Variants in CRYZL1 observed in about 807,000 individuals in gnomAD.
The protein encoded by CRYZL1 is ferry endosomal RAB5 effector complex subunit 4.
CRYZL1 carries 34 observed loss-of-function variants against 50.6 expected under a neutral mutation model. The ratio of observed to expected loss-of-function variants is 0.67; its 90% CI spans 0.51 to 0.89. CRYZL1 has a LOEUF of 0.89. CRYZL1 is among the 40% of genes least tolerant of loss of function. The pLI is 0.00. For synonymous variants in CRYZL1, 125 were observed against 134.3 expected (o/e 0.93, Z 0.48); for missense variants, 354 against 402.3 (o/e 0.88, Z 1.03).
At position 33,632,387 on chromosome 21, in the gene CRYZL1, AT is replaced by A. The variant is rs200590309; in HGVS notation, c.-6-831del. Among the ~76,000 whole-genome samples, 397 of 150,792 alleles carry A rather than the reference AT, an allele frequency of 2.6e-3. 1 individual carries two copies. The highest frequency in any genetic ancestry group is 8.0e-3 in the African/African-American group (330 of 41,140). Reference sequence around the variant, plus strand: ...TTATATTCTGTGAACTTATTTATTTATTTTTTTTTAGATGGAGTCTCGCCCT... The same window carrying A: ...TTATATTCTGTGAACTTATTTATTTATTTTTTTTAGATGGAGTCTCGCCCT... On this transcript the variant is annotated intron_variant, in intron 1 of 12. Coordinates refer to ENST00000381554, the MANE Select transcript of CRYZL1 (RefSeq NM_145858.3).
In CRYZL1 at chr21:33,628,488, C is replaced by T. The variant is rs552651089; in HGVS notation, c.66+2998G>A. On this transcript the variant is annotated intron_variant, in intron 2 of 12. Transcript: ENST00000381554. ...TTATTACTGTTCTCTTCAATTTCTT[C>T]CATCAATATTTATAGTTTTCATCGT... 4.6e-5 allele frequency among the ~76,000 whole-genome samples: 7 copies of T among 152,212 alleles called. No individual in the cohort carries two copies. The South Asian group carries it at 1.4e-3, about 32-fold the overall frequency.
chr21:33,610,716 C>T (rs920650285), intron 6 of CRYZL1, among the ~76,000 whole-genome samples: 2 of 144,144 alleles, frequency 1.4e-5, no homozygotes, highest in African/African-American at 2.5e-5. Flanking sequence ...AGGAATGGGC[C>T]TTGTTTGGTT....
chr21:33,590,930 A>G (rs2086637468), intron 12 of CRYZL1, among the ~76,000 whole-genome samples: 1 of 152,246 alleles, frequency 6.6e-6, no homozygotes, highest in South Asian at 2.1e-4. Flanking sequence ...ACACTTTGAT[A>G]AATATTAAAG....
intron 5 of CRYZL1, among the ~76,000 whole-genome samples, chr21:33,615,459 T>C (rs751158175): frequency 5.3e-5 from 8 of 152,140 alleles, no homozygotes; most frequent in Non-Finnish European, 8.8e-5. Context: ...ATATATATTA[T>C]ATGGCCCTAT....
At chr21:33,631,198 C>G (rs1414634633) in intron 2 of CRYZL1, among the ~76,000 whole-genome samples, 1 of 152,202 alleles carries the variant, frequency 6.6e-6, no homozygotes, top group African/African-American at 2.4e-5. Context: ...GCTAATTACC[C>G]TGATTTGATC....
intron 4 of CRYZL1, among the ~76,000 whole-genome samples, chr21:33,618,373 T>C (rs2086959453): frequency 6.6e-6 from 1 of 151,962 alleles, no homozygotes; most frequent in African/African-American, 2.4e-5. Context: ...AGTCAATTCA[T>C]TTGAGTAGTT....
chr21:33,609,465 ATTAT>A lies in CRYZL1; in HGVS notation c.331+4069_331+4072del, dbSNP rs370927330. Among the ~76,000 whole-genome samples, 30 of 151,810 alleles carry A rather than the reference ATTAT, an allele frequency of 2.0e-4. No individual in the cohort carries two copies. The East Asian group carries it at 5.2e-3, about 27-fold the overall frequency. The stretch of plus-strand genomic sequence containing the variant: ...TAGGCACACACCACCATATCTAGTT[ATTAT>A]TTATTTATTTTTTTTATTTCTTGTA... On this transcript the variant is annotated intron_variant, in intron 6 of 12. Coordinates refer to ENST00000381554, the MANE Select transcript of CRYZL1 (RefSeq NM_145858.3).
intron 11 of CRYZL1, chr21:33,595,477 C>T (rs1260130039): frequency 1.9e-5 from 25 of 1,342,430 alleles, no homozygotes; most frequent in Non-Finnish European, 2.4e-5. Flanking sequence ...TGCTCCGCCA[C>T]TTGCTGCGTC....
chr21:33,634,619 C>T (rs1355794489), intron 1 of CRYZL1, among the ~76,000 whole-genome samples: 3 of 151,678 alleles, frequency 2.0e-5, no homozygotes, highest in Non-Finnish European at 4.4e-5. Flanking sequence ...AAAAAAACAA[C>T]TCTGTTCCTA....
At chr21:33,606,640 A>G (rs2086817683) in intron 6 of CRYZL1, among the ~76,000 whole-genome samples, 1 of 151,892 alleles carries the variant, frequency 6.6e-6, no homozygotes, top group Non-Finnish European at 1.5e-5. Flanking sequence ...AAAAAATTGC[A>G]TGGTTAGATG....
chr21:33,592,936 C>T (rs1477115954), intron 11 of CRYZL1, among the ~76,000 whole-genome samples: 1 of 151,662 alleles, frequency 6.6e-6, no homozygotes, highest in Non-Finnish European at 1.5e-5. Flanking sequence ...CCTATAGTCT[C>T]AGCTACTTGG....
At chr21:33,597,889 C>T (rs1367879421) in intron 9 of CRYZL1, among the ~76,000 whole-genome samples, 2 of 152,184 alleles carry the variant, frequency 1.3e-5, no homozygotes, top group Non-Finnish European at 2.9e-5. Flanking sequence ...GCTGGGATTA[C>T]AGGCATGAGC....
chr21:33,640,284 C>T (rs753952047), intron 1 of CRYZL1: 23 of 1,502,862 alleles, frequency 1.5e-5, no homozygotes, highest in African/African-American at 5.7e-5. Flanking sequence ...CAAATCTAAA[C>T]GTCTTATCCC....
At chr21:33,608,401 G>C (rs1601333967) in intron 6 of CRYZL1, among the ~76,000 whole-genome samples, 1 of 152,170 alleles carries the variant, frequency 6.6e-6, no homozygotes. Context: ...GTTGCAGTGA[G>C]CCGAGATCAC....
intron 1 of CRYZL1, among the ~76,000 whole-genome samples, chr21:33,632,061 G>A (rs189938701): frequency 6.1e-4 from 93 of 151,434 alleles, no homozygotes; most frequent in Middle Eastern, 3.4e-3. Context: ...AGTGGCTCAC[G>A]CCTGTAATCC....
At chr21:33,637,444 CAAAA>C (rs544640250) in intron 1 of CRYZL1, among the ~76,000 whole-genome samples, 3 of 76,918 alleles carry the variant, frequency 3.9e-5, no homozygotes, top group African/African-American at 4.8e-5. Context: ...GACTCTGTCT[CAAAA>C]AAAAAAAAAA....
intron 2 of CRYZL1, among the ~76,000 whole-genome samples, chr21:33,628,943 T>C (rs1329635850): frequency 1.3e-5 from 2 of 151,936 alleles, no homozygotes; most frequent in Non-Finnish European, 2.9e-5. Flanking sequence ...AGAGAACTAC[T>C]ACTCGGCCAG....
At chr21:33,614,671 A>C (rs1167936646) in intron 5 of CRYZL1, among the ~76,000 whole-genome samples, 1 of 152,062 alleles carries the variant, frequency 6.6e-6, no homozygotes, top group Non-Finnish European at 1.5e-5. Context: ...TCCTGGGTTC[A>C]AGCGATTCTC....
intron 6 of CRYZL1, among the ~76,000 whole-genome samples, chr21:33,611,990 C>G (rs1242344142): frequency 6.6e-6 from 1 of 152,170 alleles, no homozygotes; most frequent in Non-Finnish European, 1.5e-5. Flanking sequence ...ATTTTCACTG[C>G]TCAATAGAAA....
Sources: allele counts gnomAD v4.1 joint callset (sites outside exome capture counted in the v4.1 genomes callset), GRCh38; gene constraint gnomAD v4.1.1; transcripts MANE v1.5; gene names NCBI Gene and HGNC (gene_info 2026-07-23, HGNC 2026-07-21).